The following WNK2 variants were observed in gnomAD, a reference collection of about 807,000 sequenced individuals.
WNK2 encodes the protein serine/threonine-protein kinase WNK2.
Under a neutral mutation model 192.1 loss-of-function variants are expected in WNK2, and 67 were observed. The observed-to-expected ratio is 0.35, with a 90% CI of 0.29 to 0.43. The LOEUF (loss-of-function observed/expected upper bound fraction) is 0.43. Ranked by LOEUF, WNK2 falls within the 20% of genes least tolerant of loss-of-function variation. The pLI, the probability that WNK2 is intolerant of heterozygous loss-of-function variation, is 1.00. For missense variants in WNK2, 2,698 were observed against 3,089.7 expected (o/e 0.87, Z 3.01); for synonymous variants, 1,439 against 1,393.9 (o/e 1.03, Z -0.72).
intron 8 of WNK2, among the ~76,000 whole-genome samples, chr9:93,251,754 T>C (rs1444443165): frequency 6.6e-6 from 1 of 152,192 alleles, no homozygotes; most frequent in Admixed American, 6.5e-5. Context: ...AGAATTGCTC[T>C]ACTTGAAACT....
intron 29 of WNK2, among the ~76,000 whole-genome samples, chr9:93,319,661 C>T (rs1035576744): frequency 1.3e-5 from 2 of 152,336 alleles, no homozygotes; most frequent in Middle Eastern, 3.4e-3. Flanking sequence ...CCAGATGGGC[C>T]GAGCTCAGGG....
chr9:93,189,449 A>G (rs779190280), intron 2 of WNK2, among the ~76,000 whole-genome samples: 5 of 152,216 alleles, frequency 3.3e-5, no homozygotes, highest in African/African-American at 4.8e-5. Flanking sequence ...TTCTAGTTCC[A>G]GAAAGTTACA....
In WNK2 at chr9:93,289,250, T is replaced by G; in HGVS notation, c.4496T>G (p.Leu1499Arg). 6.2e-7 allele frequency: 1 copy of G among 1,604,490 alleles called. No individual in the cohort carries two copies. Among genetic ancestry groups the G allele is most frequent in the Non-Finnish European group, 8.5e-7 (1 of 1,177,604 alleles). ...PQPALGQPAPLLPAAVGAVSL... is the reference protein window; with the variant it reads ...PQPALGQPAPRLPAAVGAVSL... ...CCCGCCTTGGGTCAACCTGCTCCCC[T>G]GCTTCCTGCCGCAGTGGGGGCCGTC... Residue 1499 changes from leucine (L) to arginine (R), a missense_variant, in exon 20 of 30, where the codon CTG becomes CGG. By Grantham distance (102) the Leu-to-Arg change is moderately radical. Transcript: ENST00000427277.
chr9:93,191,745 T>C (rs1369063433), intron 2 of WNK2, among the ~76,000 whole-genome samples: 1 of 151,954 alleles, frequency 6.6e-6, no homozygotes, highest in Non-Finnish European at 1.5e-5. Context: ...AAGGTAGGAA[T>C]CGTCCAGGCA....
chr9:93,268,324 G>A (rs1490930415), intron 18 of WNK2, among the ~76,000 whole-genome samples: 1 of 152,198 alleles, frequency 6.6e-6, no homozygotes, highest in Non-Finnish European at 1.5e-5. Context: ...GGGGCTGCCA[G>A]TGAGGCACCC....
chr9:93,251,272 T>C (rs1842558930), intron 8 of WNK2, among the ~76,000 whole-genome samples: 1 of 152,004 alleles, frequency 6.6e-6, no homozygotes, highest in Admixed American at 6.5e-5. Flanking sequence ...TGTGCCACCA[T>C]GCCCAGCTGA....
chr9:93,228,050 G>T (rs1394126818), intron 2 of WNK2, among the ~76,000 whole-genome samples: 1 of 152,156 alleles, frequency 6.6e-6, no homozygotes, highest in Non-Finnish European at 1.5e-5. Flanking sequence ...ACATTAATTA[G>T]ATTTTTTTGG....
At chr9:93,197,452 T>A (rs1028617694) in intron 2 of WNK2, among the ~76,000 whole-genome samples, 1 of 152,242 alleles carries the variant, frequency 6.6e-6, no homozygotes, top group South Asian at 2.1e-4. Flanking sequence ...TTATTACTGT[T>A]CTTAAATCTG....
At chr9:93,280,438 C>G (rs1377775942) in intron 19 of WNK2, among the ~76,000 whole-genome samples, 1 of 152,202 alleles carries the variant, frequency 6.6e-6, no homozygotes, top group East Asian at 1.9e-4. Context: ...CTTTGGAAAA[C>G]AGTTTGTTAA....
At chr9:93,287,139 T>A (rs1350660824) in intron 19 of WNK2, among the ~76,000 whole-genome samples, 1 of 152,196 alleles carries the variant, frequency 6.6e-6, no homozygotes, top group East Asian at 1.9e-4. Context: ...AAAAATGTGT[T>A]AAGACAGCAG....
intron 7 of WNK2, among the ~76,000 whole-genome samples, chr9:93,246,969 C>T (rs1007706176): frequency 1.3e-5 from 2 of 152,222 alleles, no homozygotes; most frequent in African/African-American, 4.8e-5. Context: ...ATGATGTTTC[C>T]TGGAGACCTT....
In WNK2 at chr9:93,298,636, C is replaced by G. The variant is rs556965117; in HGVS notation, c.5924-434C>G. Among the ~76,000 whole-genome samples the G allele has an allele frequency of 3.3e-5, 5 of 152,302 alleles. No homozygotes were observed. The East Asian group carries it at 9.6e-4, about 29-fold the overall frequency. On this transcript the variant is annotated intron_variant, in intron 24 of 29. Transcript: ENST00000427277. ...CTTGCTGGTGGAGAGCCCTGGCAGT[C>G]TGGGATGGAGCCCCTGTGAGCCCAA...
intron 2 of WNK2, among the ~76,000 whole-genome samples, chr9:93,217,373 T>C (rs982925511): frequency 1.3e-5 from 2 of 152,208 alleles, no homozygotes; most frequent in Admixed American, 6.5e-5. Context: ...AGCTACTGTT[T>C]TGGGCCGCAC....
chr9:93,216,778 C>G (rs1394974277), intron 2 of WNK2, among the ~76,000 whole-genome samples: 4 of 151,370 alleles, frequency 2.6e-5, no homozygotes, highest in Admixed American at 2.0e-4. Context: ...CCACTGCGCT[C>G]CAGCCTGGGT....
intron 19 of WNK2, among the ~76,000 whole-genome samples, chr9:93,274,515 C>CAAAAAAAAAA (rs67350876): frequency 5.1e-5 from 6 of 118,394 alleles, no homozygotes; most frequent in African/African-American, 1.7e-4. Flanking sequence ...CCGTCTCAAC[C>CAAAAAAAAAA]AAAAAAAAAA....
intron 7 of WNK2, among the ~76,000 whole-genome samples, chr9:93,244,041 C>T (rs377224602): frequency 6.6e-6 from 1 of 152,238 alleles, no homozygotes; most frequent in South Asian, 2.1e-4. Flanking sequence ...TTGCTGTGAG[C>T]TGTATCCTGC....
intron 7 of WNK2, 139 bp downstream of exon 7, chr9:93,240,115 C>A: frequency 1.1e-6 from 1 of 904,630 alleles, no homozygotes; most frequent in Non-Finnish European, 1.7e-6. Context: ...GCCATCCAGG[C>A]AGGTGTGGGC....
intron 4 of WNK2, among the ~76,000 whole-genome samples, chr9:93,233,186 C>T (rs1378540092): frequency 3.9e-4 from 44 of 113,920 alleles, no homozygotes; most frequent in African/African-American, 1.4e-3. Context: ...CGACAGGGCA[C>T]GATCCAGTCT....
chr9:93,282,559 A>G (rs993830380), intron 19 of WNK2, among the ~76,000 whole-genome samples: 5 of 152,190 alleles, frequency 3.3e-5, no homozygotes, highest in African/African-American at 1.2e-4. Context: ...ACCTAGAGGA[A>G]GCTAATGTCT....
Sources: allele counts gnomAD v4.1 joint callset (sites outside exome capture counted in the v4.1 genomes callset), GRCh38; gene constraint gnomAD v4.1.1; transcripts MANE v1.5; gene names NCBI Gene and HGNC (gene_info 2026-07-23, HGNC 2026-07-21).